The following DOCK4 variants were observed in gnomAD, a reference collection of about 807,000 sequenced individuals.
The protein encoded by DOCK4 is dedicator of cytokinesis protein 4.
In DOCK4, 97 loss-of-function variants were observed where a neutral mutation model predicts 268.1. The observed-to-expected ratio is 0.36, with a 90% CI of 0.31 to 0.43. DOCK4 has a LOEUF of 0.43. Ranked by LOEUF, DOCK4 falls within the 20% of genes least tolerant of loss-of-function variation. The pLI is 1.00. For synonymous variants in DOCK4, 954 were observed against 887.2 expected (o/e 1.08, Z -1.34); for missense variants, 2,145 against 2,455.7 (o/e 0.87, Z 2.67).
chr7:111,875,939 A>G (rs1022928160), intron 17 of DOCK4, among the ~76,000 whole-genome samples: 8 of 152,238 alleles, frequency 5.3e-5, no homozygotes, highest in African/African-American at 1.9e-4. Context: ...TCAGTTAAAC[A>G]TGAATGCAAA....
chr7:111,749,187 A>G (rs2133496588), intron 42 of DOCK4, among the ~76,000 whole-genome samples: 1 of 152,316 alleles, frequency 6.6e-6, no homozygotes, highest in Admixed American at 6.5e-5. Flanking sequence ...TGAATGGTGG[A>G]AAACGGGTAT....
Position 111,767,058 on chromosome 7 carries a change from CATA to C in DOCK4, c.3886_3888del (p.Tyr1296del). 1.9e-6 allele frequency: 3 copies of C among 1,613,724 alleles called. No homozygotes were observed. Among genetic ancestry groups the C allele is most frequent in the Non-Finnish European group, 2.5e-6 (3 of 1,179,762 alleles). ...CGCATCTTGCTCAGGTTTCTGTAGT[CATA>C]ATAACTCTCATACTGCTCTGCAATC... is the stretch of plus-strand genomic sequence containing the variant. On this transcript the variant is annotated inframe_deletion, in exon 38 of 53. Transcript: ENST00000428084.
intron 25 of DOCK4, among the ~76,000 whole-genome samples, chr7:111,837,388 A>G (rs1240745976): frequency 1.3e-5 from 2 of 152,246 alleles, no homozygotes; most frequent in African/African-American, 4.8e-5. Flanking sequence ...TCAACATTGT[A>G]CTGAAGGTTT....
intron 1 of DOCK4, among the ~76,000 whole-genome samples, chr7:112,164,739 C>T (rs769545769): frequency 5.9e-5 from 9 of 152,342 alleles, no homozygotes; most frequent in Middle Eastern, 3.4e-3. Context: ...GCATGCCTTA[C>T]TTGTTGAATC....
intron 1 of DOCK4, among the ~76,000 whole-genome samples, chr7:112,197,269 G>T (rs1820531515): frequency 6.8e-6 from 1 of 147,346 alleles, no homozygotes; most frequent in African/African-American, 2.5e-5. Context: ...AATTCTTGTG[G>T]TTCCTAAGAG....
chr7:112,144,502 C>T (rs1351412208), intron 1 of DOCK4, among the ~76,000 whole-genome samples: 1 of 152,190 alleles, frequency 6.6e-6, no homozygotes, highest in Non-Finnish European at 1.5e-5. Flanking sequence ...GCCCACTTGG[C>T]ATTTCCTACA....
In DOCK4 at chr7:111,739,123, A is replaced by G. The variant is rs1795711328; in HGVS notation, c.5232+11T>C. On this transcript the variant is annotated intron_variant, in intron 49 of 52. Coordinates refer to ENST00000428084, the MANE Select transcript of DOCK4 (RefSeq NM_001363540.2). The stretch of plus-strand genomic sequence containing the variant: ...CCTTGTTTTCTAGTTTCTCTACCCT[A>G]CAAGGAGTACCTGCGAAGGCTCCAC... 1 of 1,605,444 alleles carries G rather than the reference A, an allele frequency of 6.2e-7. No individual in the cohort carries two copies. The highest frequency in any genetic ancestry group is 1.3e-5 in the African/African-American group (1 of 74,688).
chr7:112,141,108 A>G (rs1014405094), intron 1 of DOCK4, among the ~76,000 whole-genome samples: 2 of 152,148 alleles, frequency 1.3e-5, no homozygotes, highest in Admixed American at 6.6e-5. Flanking sequence ...TTGCATCAAC[A>G]ATCACCAACA....
chr7:112,082,260 A>C (rs1193821692), intron 1 of DOCK4, among the ~76,000 whole-genome samples: 1 of 152,206 alleles, frequency 6.6e-6, no homozygotes, highest in Non-Finnish European at 1.5e-5. Flanking sequence ...TCAAATACAC[A>C]GTTAACCCTG....
chr7:111,913,566 C>G (rs968979064), intron 13 of DOCK4, among the ~76,000 whole-genome samples: 1 of 151,414 alleles, frequency 6.6e-6, no homozygotes, highest in Non-Finnish European at 1.5e-5. Context: ...CCCGCCACCA[C>G]GCCCGGCTAA....
chr7:111,758,993 C>T (rs969210940), intron 40 of DOCK4, among the ~76,000 whole-genome samples: 7 of 152,106 alleles, frequency 4.6e-5, no homozygotes, highest in Admixed American at 1.3e-4. Flanking sequence ...TGAACTAGTT[C>T]TAGGTAGGTG....
rs1187795461 is a variant in DOCK4, at chr7:111,945,760, G to C, written c.740C>G (p.Pro247Arg). 2 of 1,598,166 alleles carry C rather than the reference G, an allele frequency of 1.3e-6. No individual in the cohort carries two copies. The highest frequency in any genetic ancestry group is 1.7e-6 in the Non-Finnish European group (2 of 1,172,098). ...FFLRLNRNGL[P>R]KAPDKPERHC... The stretch of plus-strand genomic sequence containing the variant: ...TCGTTCCGGTTTATCAGGGGCTTTG[G>C]GAAGCCCGTTTCTATTCAGCCTCAA... The change falls in exon 9 of 53, where the codon CCC becomes CGC. Residue 247 changes from proline to arginine, a missense_variant. Pro to Arg is a moderately radical substitution (Grantham distance 103). This residue lies in a region of DOCK4 where 1,598 missense variants were observed against 1,986.7 expected (regional missense o/e 0.80). Transcript: ENST00000428084.
intron 42 of DOCK4, among the ~76,000 whole-genome samples, chr7:111,751,220 G>A (rs947475531): frequency 7.9e-5 from 12 of 152,108 alleles, no homozygotes; most frequent in Non-Finnish European, 1.2e-4. Context: ...AGGAATACAG[G>A]TGACAGAGAA....
intron 32 of DOCK4, 30 bp from the exon 33 acceptor site, chr7:111,784,153 T>A (rs1798993211): frequency 6.4e-7 from 1 of 1,560,948 alleles, no homozygotes; most frequent in African/African-American, 1.3e-5. Context: ...CAAAGCAAAT[T>A]GATTTTCAGA....
intron 13 of DOCK4, among the ~76,000 whole-genome samples, chr7:111,906,296 T>C (rs1791562770): frequency 6.6e-6 from 1 of 151,918 alleles, no homozygotes; most frequent in African/African-American, 2.4e-5. Context: ...ATCCAGACCA[T>C]AAACAATATG....
At chr7:112,072,874 A>T (rs1807724198) in intron 1 of DOCK4, among the ~76,000 whole-genome samples, 1 of 152,220 alleles carries the variant, frequency 6.6e-6, no homozygotes. Context: ...TATACTGGTA[A>T]GGGAAGAATG....
intron 8 of DOCK4, among the ~76,000 whole-genome samples, chr7:111,975,366 A>G (rs73207436): frequency 3.5e-4 from 53 of 152,364 alleles, no homozygotes; most frequent in Middle Eastern, 3.4e-3. Context: ...AAAGCATATT[A>G]AAGAGATCAC....
chr7:112,102,234 C>T (rs936163629), intron 1 of DOCK4, among the ~76,000 whole-genome samples: 10 of 152,028 alleles, frequency 6.6e-5, no homozygotes, highest in African/African-American at 2.2e-4. Context: ...AAAACATATC[C>T]GTTAACAACA....
intron 42 of DOCK4, 77 bp downstream of exon 42, chr7:111,755,438 A>C: frequency 7.2e-7 from 1 of 1,386,082 alleles, no homozygotes; most frequent in South Asian, 1.2e-5. Flanking sequence ...GTCGAAGGAG[A>C]AGTAATGAAT....
Sources: gnomAD v4.1 joint callset for allele counts (sites outside exome capture counted in the v4.1 genomes callset) on GRCh38, gnomAD v4.1.1 for gene constraint, gnomAD v4.1.1 regional missense constraint, MANE v1.5 for transcripts, NCBI Gene and HGNC (gene_info 2026-07-23, HGNC 2026-07-21) for gene names.